The following UNC13B variants were observed in gnomAD, a reference collection of about 807,000 sequenced individuals.
UNC13B encodes protein unc-13 homolog B.
In UNC13B, 144 loss-of-function variants were observed where a neutral mutation model predicts 211.0. The observed-to-expected ratio is 0.68, with a 90% CI of 0.60 to 0.78. UNC13B has a LOEUF of 0.78. Ranked by LOEUF, UNC13B falls within the 30% of genes least tolerant of loss-of-function variation. The probability of loss-of-function intolerance (pLI) is 0.00; values close to 1 mark genes in which losing one functional copy is unlikely to be tolerated. For synonymous variants in UNC13B, 709 were observed against 725.8 expected, an observed-to-expected ratio of 0.98 and a Z score of 0.37; for missense variants, 1,777 against 2,002.0, an observed-to-expected ratio of 0.89 and a Z score of 2.14.
chr9:35,385,714 T>C lies in UNC13B; in HGVS notation c.10876-10T>C. 2 of 1,594,244 alleles carry C rather than the reference T, an allele frequency of 1.3e-6. No individual in the cohort carries two copies. The highest frequency in any genetic ancestry group is 2.2e-5 in the South Asian group (2 of 89,988). On this transcript the variant is annotated splice_polypyrimidine_tract_variant and intron_variant, in intron 22 of 39. Coordinates refer to ENST00000635942, the MANE Select transcript of UNC13B (RefSeq NM_001371189.2). ...CTGTTCCTTTCTTACATTTGCTTGA[T>C]TTGCAACAGAATAATTTCCCTGCTG...
chr9:35,230,564 A>G (rs894747209), intron 2 of UNC13B, among the ~76,000 whole-genome samples: 5 of 151,420 alleles, frequency 3.3e-5, no homozygotes, highest in Non-Finnish European at 7.4e-5. Flanking sequence ...TTTCTTTGTG[A>G]AGATTTTTCC....
chr9:35,399,626 A>G (rs373897837), intron 35 of UNC13B, 23 bp from the exon 36 acceptor site: 3 of 1,613,732 alleles, frequency 1.9e-6, no homozygotes, highest in Non-Finnish European at 2.5e-6. Flanking sequence ...AGCTGTCCTG[A>G]TGCTGCTGAT....
In UNC13B at chr9:35,303,414, T is replaced by C. The variant is rs1829780031; in HGVS notation, c.4010T>C (p.Ile1337Thr). Residue 1337 changes from isoleucine (I) to threonine (T), a missense_variant, in exon 9 of 40, where the codon ATT becomes ACT. Ile to Thr is a moderately conservative substitution (Grantham distance 89, BLOSUM62 -1). Transcript: ENST00000635942. ...KLNSPVLNTNILNKSNNYQAF... is the reference protein window; with the variant it reads ...KLNSPVLNTNTLNKSNNYQAF... Reference sequence around the variant, plus strand: ...AATTCACCTGTACTAAATACCAACATTCTCAATAAATCAAACAACTATCAG... The same window carrying C: ...AATTCACCTGTACTAAATACCAACACTCTCAATAAATCAAACAACTATCAG... 2.5e-6 allele frequency: 1 copy of C among 398,626 alleles called. No individual in the cohort carries two copies. Among genetic ancestry groups the C allele is most frequent in the Admixed American group, 4.4e-5 (1 of 22,704 alleles). The allele number at this position is 398,626 out of a possible 1,614,324, so 24.7% of individuals were successfully genotyped here. A position where few individuals can be genotyped will look rare whatever the true frequency, so the allele number is the denominator to read the frequency against.
chr9:35,378,147 T>A (rs559035130), intron 16 of UNC13B, 148 bp from the exon 17 acceptor site: 7 of 1,159,034 alleles, frequency 6.0e-6, no homozygotes, highest in Admixed American at 2.8e-5. Context: ...GAAAGGCTGG[T>A]GGCCCAGGAC....
Position 35,396,504 on chromosome 9 carries a change from T to G in UNC13B, c.11337T>G (p.Ser3779Arg), listed in dbSNP as rs1434079366. The change falls in exon 27 of 40, where the codon AGT becomes AGG. Residue 3779 changes from serine (S) to arginine (R), a missense_variant. Physicochemically the swap from Ser to Arg is moderately radical, Grantham distance 110. Transcript: ENST00000635942. Reference protein sequence around the residue: ...EEHEKDHLCKSADYMNLHFKV... With the variant: ...EEHEKDHLCKRADYMNLHFKV... ...ATGAGAAAGACCACCTGTGTAAAAG[T>G]GCTGACTACATGAACCTGCACTTCA... is the stretch of plus-strand genomic sequence containing the variant. 6.2e-7 allele frequency: 1 copy of G among 1,614,092 alleles called. No individual in the cohort carries two copies.
At chr9:35,202,853 C>T (rs1035525434) in intron 1 of UNC13B, among the ~76,000 whole-genome samples, 473 of 149,512 alleles carry the variant, frequency 3.2e-3, no homozygotes, top group African/African-American at 0.011. Context: ...AGTGCAGTGG[C>T]GTGATCTCAG....
chr9:35,348,403 G>C (rs1402719752), intron 11 of UNC13B, among the ~76,000 whole-genome samples: 3 of 152,222 alleles, frequency 2.0e-5, no homozygotes, highest in Non-Finnish European at 4.4e-5. Flanking sequence ...GTTGGGAACT[G>C]AATGATTTAC....
intron 7 of UNC13B, among the ~76,000 whole-genome samples, chr9:35,272,094 T>A (rs1394727372): frequency 6.6e-6 from 1 of 152,148 alleles, no homozygotes; most frequent in Non-Finnish European, 1.5e-5. Flanking sequence ...GAGGAAATAT[T>A]TATGTGTATA....
chr9:35,396,906 G>C lies in UNC13B; in HGVS notation c.11501G>C (p.Arg3834Pro). 2.5e-6 allele frequency: 4 copies of C among 1,614,148 alleles called. No individual in the cohort carries two copies. Among genetic ancestry groups the C allele is most frequent in the South Asian group, 1.1e-5 (1 of 91,072 alleles). Reference protein sequence around the residue: ...ENEDVSLEFLRGALERDKKDG... With the variant: ...ENEDVSLEFLPGALERDKKDG... ...GAGGATGTATCCCTGGAATTCCTGC[G>C]TGGGGCCCTGGAACGAGATAAGAAG... Residue 3834 changes from arginine to proline, a missense_variant, in exon 28 of 40, where the codon CGT becomes CCT. Arg to Pro is a moderately radical substitution (Grantham distance 103). Coordinates refer to ENST00000635942, the MANE Select transcript of UNC13B (RefSeq NM_001371189.2).
intron 5 of UNC13B, among the ~76,000 whole-genome samples, chr9:35,239,622 C>T (rs1462353894): frequency 6.6e-6 from 1 of 152,130 alleles, no homozygotes; most frequent in East Asian, 1.9e-4. Flanking sequence ...ATTTCCTTGT[C>T]CTAATAAGCC....
intron 20 of UNC13B, 22 bp downstream of exon 20, chr9:35,381,741 G>A (rs780992034): frequency 1.7e-5 from 27 of 1,608,926 alleles, no homozygotes; most frequent in Admixed American, 1.7e-4. Flanking sequence ...CTGCGGCACC[G>A]GGAAGTGGCT....
intron 7 of UNC13B, among the ~76,000 whole-genome samples, chr9:35,286,453 G>A (rs765989976): frequency 1.3e-5 from 2 of 151,678 alleles, no homozygotes; most frequent in Non-Finnish European, 2.9e-5. Flanking sequence ...GGCTGGTCTC[G>A]AACTCCTGAC....
rs371802270 is a variant in UNC13B, at chr9:35,399,695, G to A, written c.12302G>A (p.Cys4101Tyr). The A allele has an allele frequency of 6.2e-6, 10 of 1,614,158 alleles. No homozygotes were observed. The highest frequency in any genetic ancestry group is 1.3e-5 in the African/African-American group (1 of 75,030). Residue 4101 changes from cysteine to tyrosine, a missense_variant, in exon 36 of 40, where the codon TGT (cysteine) becomes TAT (tyrosine). By Grantham distance (194) the Cys-to-Tyr change is radical. Transcript: ENST00000635942. Reference protein sequence around the residue: ...EETRNLTPKQCAVLDLALDTI... With the variant: ...EETRNLTPKQYAVLDLALDTI... ...ACACGGAATCTCACTCCAAAGCAGT[G>A]TGCAGTCCTTGACCTCGCCCTGGAC...
chr9:35,237,274 A>G (rs1391997044), intron 4 of UNC13B, among the ~76,000 whole-genome samples: 2 of 152,014 alleles, frequency 1.3e-5, no homozygotes, highest in Non-Finnish European at 2.9e-5. Flanking sequence ...TATTTCTTTT[A>G]GTTCTAGCTA....
At chr9:35,186,197 C>T (rs1234325459) in intron 1 of UNC13B, among the ~76,000 whole-genome samples, 1 of 152,152 alleles carries the variant, frequency 6.6e-6, no homozygotes, top group African/African-American at 2.4e-5. Context: ...CCTACTAGAT[C>T]TGACATCTCT....
At chr9:35,189,917 C>T (rs1005332173) in intron 1 of UNC13B, among the ~76,000 whole-genome samples, 1 of 152,126 alleles carries the variant, frequency 6.6e-6, no homozygotes, top group Non-Finnish European at 1.5e-5. Context: ...GTGATCCGCC[C>T]ACCTCGGCCT....
At chr9:35,201,602 G>A (rs1207062868) in intron 1 of UNC13B, among the ~76,000 whole-genome samples, 1 of 152,144 alleles carries the variant, frequency 6.6e-6, no homozygotes, top group African/African-American at 2.4e-5. Flanking sequence ...TTTTCCTCTA[G>A]ATTTTCTAGT....
intron 11 of UNC13B, among the ~76,000 whole-genome samples, chr9:35,331,491 C>T (rs1040355393): frequency 1.3e-5 from 2 of 152,174 alleles, no homozygotes; most frequent in Admixed American, 6.5e-5. Flanking sequence ...AAGCGATCTG[C>T]CTGCCTTGGC....
At chr9:35,363,099 G>T (rs1833538352) in intron 11 of UNC13B, among the ~76,000 whole-genome samples, 1 of 152,158 alleles carries the variant, frequency 6.6e-6, no homozygotes, top group Non-Finnish European at 1.5e-5. Context: ...ACGTCTTTGT[G>T]AAACAAGACA....
Sources: gnomAD v4.1 joint callset for allele counts (sites outside exome capture counted in the v4.1 genomes callset) on GRCh38, gnomAD v4.1.1 for gene constraint, MANE v1.5 for transcripts, NCBI Gene and HGNC (gene_info 2026-07-23, HGNC 2026-07-21) for gene names.